Variants in SLC10A1 observed in about 807,000 individuals in gnomAD.
SLC10A1 encodes the protein hepatic sodium/bile acid cotransporter.
SLC10A1 carries 36 observed loss-of-function variants against 20.5 expected under a neutral mutation model. That is an observed-to-expected ratio of 1.75 (90% CI 1.34 to 2.32). The LOEUF (loss-of-function observed/expected upper bound fraction) is 2.32. Among genes scored for constraint, SLC10A1 ranks in the 30% most tolerant of loss-of-function variants. SLC10A1 has a pLI of 0.00. For missense variants in SLC10A1, 545 were observed against 439.1 expected, an observed-to-expected ratio of 1.24 and a Z score of -2.16; for synonymous variants, 188 against 163.6, an observed-to-expected ratio of 1.15 and a Z score of -1.14.
chr14:69,776,473 A>C lies in SLC10A1; in HGVS notation c.944-85T>G. On this transcript the variant is annotated intron_variant, in intron 4 of 4. Coordinates refer to ENST00000216540, the MANE Select transcript of SLC10A1 (RefSeq NM_003049.4). ...CTTGTTTAATCTGGAAAGTACAAAA[A>C]TACCAACTCAGCCCTAGAGTGTGCT... is the stretch of plus-strand genomic sequence containing the variant. 9 of 1,039,346 alleles carry C rather than the reference A, an allele frequency of 8.7e-6. No homozygotes were observed. In the South Asian group the frequency reaches 1.1e-4, roughly 12 times the overall value. 64.4% of individuals were successfully genotyped at this position (1,039,346 alleles called of 1,614,324 possible).
intron 2 of SLC10A1, among the ~76,000 whole-genome samples, chr14:69,779,897 A>G (rs1883550964): frequency 6.6e-6 from 1 of 152,190 alleles, no homozygotes; most frequent in South Asian, 2.1e-4. Flanking sequence ...TCATTGTTCC[A>G]CATACTTTGA....
chr14:69,795,883 G>A (rs78145823), intron 1 of SLC10A1, among the ~76,000 whole-genome samples: 2,628 of 152,178 alleles, frequency 0.017, 60 homozygotes, highest in African/African-American at 0.058. Context: ...ATTGAATAGC[G>A]TCTCCACGGA....
chr14:69,784,779 A>T (rs1006703062), intron 2 of SLC10A1, among the ~76,000 whole-genome samples: 4 of 151,542 alleles, frequency 2.6e-5, no homozygotes. Context: ...AGGTCTCTTG[A>T]GTACAAGGGT....
chr14:69,786,458 C>G (rs879567001), intron 1 of SLC10A1, 151 bp from the exon 2 acceptor site: 1 of 645,352 alleles, frequency 1.5e-6, no homozygotes, highest in Non-Finnish European at 2.8e-6. Flanking sequence ...AGCATACTAT[C>G]TTCTTTTCGC....
At chr14:69,789,665 A>G (rs546689287) in intron 1 of SLC10A1, among the ~76,000 whole-genome samples, 6 of 152,336 alleles carry the variant, frequency 3.9e-5, no homozygotes, top group African/African-American at 1.4e-4. Context: ...GCATCGTACA[A>G]TTTAAAGAAT....
At chr14:69,781,715 C>T (rs987399371) in intron 2 of SLC10A1, among the ~76,000 whole-genome samples, 2 of 152,190 alleles carry the variant, frequency 1.3e-5, no homozygotes, top group African/African-American at 4.8e-5. Flanking sequence ...GCTCCTGGAC[C>T]ATGTCATTCT....
At chr14:69,781,284 G>A (rs1244271766) in intron 2 of SLC10A1, among the ~76,000 whole-genome samples, 1 of 152,182 alleles carries the variant, frequency 6.6e-6, no homozygotes, top group African/African-American at 2.4e-5. Context: ...GAGACAAGTG[G>A]CCCCGGGTAG....
intron 1 of SLC10A1, among the ~76,000 whole-genome samples, chr14:69,791,689 G>A (rs1883844419): frequency 6.6e-6 from 1 of 152,190 alleles, no homozygotes; most frequent in South Asian, 2.1e-4. Context: ...ACTGGTACAA[G>A]GGTAGCCACA....
Position 69,776,406 on chromosome 14 carries a change from G to A in SLC10A1, c.944-18C>T, listed in dbSNP as rs748529124. 35 of 1,580,560 alleles carry A rather than the reference G, an allele frequency of 2.2e-5. No homozygotes were observed. In the East Asian group the frequency reaches 7.4e-4, roughly 33 times the overall value. On this transcript the variant is annotated intron_variant, in intron 4 of 4. Coordinates refer to ENST00000216540, the MANE Select transcript of SLC10A1 (RefSeq NM_003049.4). ...TGTTTTATCTGTAAAGTTAAAAAGGGTTACAGGTGTAGAGAGAGAACAAGA... is the reference window on the plus strand; with the variant it reads ...TGTTTTATCTGTAAAGTTAAAAAGGATTACAGGTGTAGAGAGAGAACAAGA...
At chr14:69,780,456 C>T (rs751714335) in intron 2 of SLC10A1, among the ~76,000 whole-genome samples, 2 of 152,192 alleles carry the variant, frequency 1.3e-5, no homozygotes, top group Non-Finnish European at 2.9e-5. Context: ...GGTTCATTCA[C>T]ATGTGTTGCA....
intron 2 of SLC10A1, among the ~76,000 whole-genome samples, chr14:69,781,389 T>TAATG (rs1883588878): frequency 6.6e-6 from 1 of 152,202 alleles, no homozygotes; most frequent in Admixed American, 6.5e-5. Context: ...GCCAATCCAT[T>TAATG]GGCTTACACA....
intron 2 of SLC10A1, among the ~76,000 whole-genome samples, chr14:69,783,918 G>C (rs769811420): frequency 6.6e-6 from 1 of 152,222 alleles, no homozygotes. Context: ...CACACACACA[G>C]TGCCACCGAC....
chr14:69,781,906 C>G (rs1254783121), intron 2 of SLC10A1, among the ~76,000 whole-genome samples: 1 of 152,198 alleles, frequency 6.6e-6, no homozygotes, highest in East Asian at 1.9e-4. Flanking sequence ...TACCTGCTGC[C>G]AGAGCTAGTT....
chr14:69,794,586 A>T (rs749119111), intron 1 of SLC10A1, among the ~76,000 whole-genome samples: 4 of 152,214 alleles, frequency 2.6e-5, no homozygotes, highest in Non-Finnish European at 4.4e-5. Context: ...CGTTGTCATT[A>T]TTATAATGCA....
In SLC10A1 at chr14:69,776,286, G is replaced by A. The variant is rs1185576085; in HGVS notation, c.1046C>T (p.Ala349Val). ...TCCAGGCCACCAGGGGAAGGGCTAG[G>A]CTGTGCAAGGGGAGCAGTCCTCCCC... is the stretch of plus-strand genomic sequence containing the variant. The part of the protein sequence containing the change: ...YKGEDCSPCT[A>V] Residue 349 changes from alanine (A) to valine (V), a missense_variant, in exon 5 of 5, where the codon GCC becomes GTC. Coordinates refer to ENST00000216540, the MANE Select transcript of SLC10A1 (RefSeq NM_003049.4). 2 of 1,611,928 alleles carry A rather than the reference G, an allele frequency of 1.2e-6. No individual in the cohort carries two copies. The highest frequency in any genetic ancestry group is 1.1e-5 in the South Asian group (1 of 91,010).
At chr14:69,786,472 CAAGG>C (rs1390760563) in intron 1 of SLC10A1, among the ~76,000 whole-genome samples, 165 bp from the exon 2 acceptor site, 3 of 152,300 alleles carry the variant, frequency 2.0e-5, no homozygotes, top group East Asian at 1.9e-4. Flanking sequence ...TTTTCGCTGA[CAAGG>C]AAGCTGGGGA....
chr14:69,776,211 G>T lies in SLC10A1; in HGVS notation c.*71C>A. 1.8e-6 allele frequency: 2 copies of T among 1,083,584 alleles called. No individual in the cohort carries two copies. The highest frequency in any genetic ancestry group is 2.8e-6 in the Non-Finnish European group (2 of 720,442). 67.1% of individuals were successfully genotyped at this position (1,083,584 alleles called of 1,614,324 possible). Reference sequence around the variant, plus strand: ...CTCAGGCAAGACTGGTGTTTTTGCTGCTCTCTCTAGTTTACCACACTGGCT... The same window carrying T: ...CTCAGGCAAGACTGGTGTTTTTGCTTCTCTCTCTAGTTTACCACACTGGCT... On this transcript the variant is annotated 3_prime_UTR_variant, in exon 5 of 5. Transcript: ENST00000216540.
At chr14:69,785,160 G>A (rs566021201) in intron 2 of SLC10A1, among the ~76,000 whole-genome samples, 1 of 152,262 alleles carries the variant, frequency 6.6e-6, no homozygotes, top group East Asian at 1.9e-4. Flanking sequence ...GTGAGCCAAG[G>A]GGGAGGCTGG....
intron 4 of SLC10A1, among the ~76,000 whole-genome samples, chr14:69,777,047 T>G (rs570690149): frequency 1.3e-5 from 2 of 152,244 alleles, no homozygotes; most frequent in Non-Finnish European, 2.9e-5. Flanking sequence ...AAAGTTCTTT[T>G]CAAGTCTTGA....
Sources: gnomAD v4.1 joint callset for allele counts (sites outside exome capture counted in the v4.1 genomes callset) on GRCh38, gnomAD v4.1.1 for gene constraint, MANE v1.5 for transcripts, NCBI Gene and HGNC (gene_info 2026-07-23, HGNC 2026-07-21) for gene names.